Variants in MAST2 observed in about 807,000 individuals in gnomAD.
The protein encoded by MAST2 is microtubule associated serine/threonine kinase 2.
Under a neutral mutation model 147.4 loss-of-function variants are expected in MAST2, and 70 were observed. The observed-to-expected ratio is 0.47, with a 90% CI of 0.39 to 0.58. The LOEUF is 0.58. Among genes scored for constraint, MAST2 ranks in the 20% least tolerant of loss-of-function variants. The pLI is 0.00. For missense variants in MAST2, 2,080 were observed against 2,302.3 expected, an observed-to-expected ratio of 0.90 and a Z score of 1.98; for synonymous variants, 869 against 896.8, an observed-to-expected ratio of 0.97 and a Z score of 0.55.
chr1:45,887,002 ATT>A (rs1570552043), intron 4 of MAST2, among the ~76,000 whole-genome samples: 2 of 152,054 alleles, frequency 1.3e-5, no homozygotes, highest in South Asian at 4.2e-4. Context: ...TAATTTTTGT[ATT>A]TTTTGTAGAG....
chr1:45,860,383 CAA>C (rs10540608), intron 3 of MAST2, among the ~76,000 whole-genome samples: 45,549 of 139,100 alleles, frequency 0.33, 7,512 homozygotes, highest in African/African-American at 0.41. Flanking sequence ...GAATCTGTCT[CAA>C]AAAAAAAAAA....
chr1:46,002,433 G>T (rs965765864), intron 6 of MAST2, among the ~76,000 whole-genome samples: 6 of 152,228 alleles, frequency 3.9e-5, no homozygotes, highest in Non-Finnish European at 7.3e-5. Context: ...AATGGAAATA[G>T]CTGCATTTCA....
rs2149160536 is a variant in MAST2, at chr1:45,997,869, G to A, written c.668+70G>A. 3.2e-6 allele frequency: 4 copies of A among 1,262,148 alleles called. No individual in the cohort carries two copies. In the East Asian group the frequency reaches 9.2e-5, roughly 29 times the overall value. 78.2% of individuals were successfully genotyped at this position (1,262,148 alleles called of 1,614,324 possible). On this transcript the variant is annotated intron_variant, in intron 6 of 28. Transcript: ENST00000361297. Reference sequence around the variant, plus strand: ...TTGCATGAGGGTTAATTGAATGTCAGATTCCTCCTTTAAGTGTCACTACTC... The same window carrying A: ...TTGCATGAGGGTTAATTGAATGTCAAATTCCTCCTTTAAGTGTCACTACTC...
intron 9 of MAST2, 98 bp downstream of exon 9, chr1:46,008,469 A>G: frequency 2.7e-6 from 2 of 752,886 alleles, no homozygotes; most frequent in Non-Finnish European, 4.6e-6. Context: ...ATGAAGTGCT[A>G]CCTCCAGAGA....
chr1:45,970,798 G>GTTTTT (rs770669631), intron 5 of MAST2, among the ~76,000 whole-genome samples: 9 of 130,672 alleles, frequency 6.9e-5, no homozygotes, highest in Admixed American at 1.6e-4. Flanking sequence ...ACTAAGAAGT[G>GTTTTT]TTTTTTTTTT....
At chr1:45,977,730 G>T (rs1644227747) in intron 5 of MAST2, among the ~76,000 whole-genome samples, 4 of 151,606 alleles carry the variant, frequency 2.6e-5, no homozygotes, top group Non-Finnish European at 4.4e-5. Flanking sequence ...AACCCAGGAG[G>T]CGGAGGTTGC....
At chr1:45,891,705 C>T (rs906730120) in intron 4 of MAST2, among the ~76,000 whole-genome samples, 11 of 151,322 alleles carry the variant, frequency 7.3e-5, no homozygotes, top group Middle Eastern at 3.4e-3. Flanking sequence ...TAATTTGAAA[C>T]GTTTTTGTTC....
chr1:45,952,806 A>G (rs939381303), intron 4 of MAST2, among the ~76,000 whole-genome samples: 15 of 152,222 alleles, frequency 9.9e-5, no homozygotes, highest in African/African-American at 3.4e-4. Context: ...AACAAAATCT[A>G]TAGAGAAGAT....
At chr1:45,947,072 T>G (rs1658147966) in intron 4 of MAST2, among the ~76,000 whole-genome samples, 1 of 152,186 alleles carries the variant, frequency 6.6e-6, no homozygotes, top group Admixed American at 6.5e-5. Flanking sequence ...CTTCAAATAA[T>G]GTTATTATTT....
At chr1:45,861,219 G>A (rs1645970534) in intron 3 of MAST2, among the ~76,000 whole-genome samples, 1 of 151,764 alleles carries the variant, frequency 6.6e-6, no homozygotes, top group Non-Finnish European at 1.5e-5. Flanking sequence ...CCCATTTTTG[G>A]TCAATTTATC....
In MAST2 at chr1:45,888,663, C is replaced by CTTTTTTTTTTTT. The variant is rs71587722; in HGVS notation, c.500+6293_500+6304dup. On this transcript the variant is annotated intron_variant, in intron 4 of 28. Transcript: ENST00000361297. ...AGGCGTGAGCCACCGCGCGCGGCCT[C>CTTTTTTTTTTTT]TTTTTTTTTTTTTTTTTTTTTTTTT... 1.7e-3 allele frequency among the ~76,000 whole-genome samples: 82 copies of CTTTTTTTTTTTT among 48,714 alleles called. 9 individuals are homozygous for CTTTTTTTTTTTT. The highest frequency in any genetic ancestry group is 2.3e-3 in the Admixed American group (8 of 3,508). The allele number at this position is 48,714 out of a possible 152,430, so 32.0% of individuals were successfully genotyped here.
intron 3 of MAST2, among the ~76,000 whole-genome samples, chr1:45,835,685 C>T (rs1254493928): frequency 6.6e-6 from 1 of 152,076 alleles, no homozygotes; most frequent in Non-Finnish European, 1.5e-5. Context: ...GCAGCCATCA[C>T]CTTTATCAAG....
At chr1:45,913,865 A>C in intron 4 of MAST2, 1 of 1,247,088 alleles carries the variant, frequency 8.0e-7, no homozygotes, top group Non-Finnish European at 1.0e-6. Context: ...TGGGAGCACC[A>C]TGTCTGCGGA....
intron 6 of MAST2, among the ~76,000 whole-genome samples, chr1:46,001,418 CA>C (rs1557455135): frequency 6.6e-6 from 1 of 152,330 alleles, no homozygotes; most frequent in East Asian, 1.9e-4. Flanking sequence ...CTCACATGTA[CA>C]AAAGTGTATT....
At chr1:45,977,711 A>C (rs1257688361) in intron 5 of MAST2, among the ~76,000 whole-genome samples, 1 of 151,798 alleles carries the variant, frequency 6.6e-6, no homozygotes, top group African/African-American at 2.4e-5. Context: ...GAGGCAGGAG[A>C]ATCGCTTGAA....
rs56123996 is a variant in MAST2 at position 46,031,349 on chromosome 1, C to A, written c.2993-42C>A. On this transcript the variant is annotated intron_variant, in intron 23 of 28. Transcript: ENST00000361297. This position sits in a 1 kb window ranked among gnomAD's most constrained non-coding sequence, Gnocchi z 4.1. ...TGGAGGATACTGCAGGGCAGGGAGG[C>A]TCAGCGGCATCGCGGGTCTCACTGC... The A allele has an allele frequency of 6.3e-7, 1 of 1,580,806 alleles. No homozygotes were observed. Among genetic ancestry groups the A allele is most frequent in the Non-Finnish European group, 8.6e-7 (1 of 1,159,894 alleles).
chr1:45,803,916 C>T lies in MAST2; in HGVS notation c.21C>T (p.Arg7=), dbSNP rs1312268713. The T allele has an allele frequency of 2.9e-6, 2 of 688,610 alleles. No individual in the cohort carries two copies. Among genetic ancestry groups the T allele is most frequent in the Non-Finnish European group, 4.3e-6 (2 of 468,168 alleles). The allele number at this position is 688,610 out of a possible 1,614,324, so 42.7% of individuals were successfully genotyped here. MKRSRC[R]DRPQPPPPDR... ...CAGATATGAAGCGGAGCCGCTGCCG[C>T]GACCGACCGCAGCCGCCGCCGCCCG... Residue 7 remains arginine, a synonymous_variant, in exon 1 of 29, where the codon CGC becomes CGT. Transcript: ENST00000361297.
intron 5 of MAST2, among the ~76,000 whole-genome samples, chr1:45,962,942 A>C (rs1433585550): frequency 6.6e-6 from 1 of 152,186 alleles, no homozygotes; most frequent in African/African-American, 2.4e-5. Context: ...ATTTTTGTAT[A>C]CGGTGTAAGG....
At chr1:45,948,958 C>T (rs1043587324) in intron 4 of MAST2, among the ~76,000 whole-genome samples, 8 of 151,958 alleles carry the variant, frequency 5.3e-5, no homozygotes, top group Non-Finnish European at 1.0e-4. Flanking sequence ...TTTGACAAAG[C>T]TGACAAAAAC....
Sources: allele counts gnomAD v4.1 joint callset (sites outside exome capture counted in the v4.1 genomes callset), GRCh38; gene constraint gnomAD v4.1.1; non-coding constraint Gnocchi (gnomAD v3.1); transcripts MANE v1.5; gene names NCBI Gene and HGNC (gene_info 2026-07-23, HGNC 2026-07-21).